SMARCA2: variants seen among roughly 807,000 people sequenced by gnomAD.
SMARCA2 encodes SWI/SNF-related matrix-associated actin-dependent regulator of chromatin subfamily A member 2.
A neutral mutation model predicts 199.8 loss-of-function variants in SMARCA2; 61 were observed. The ratio of observed to expected loss-of-function variants is 0.31; its 90% CI spans 0.25 to 0.38. SMARCA2 has a LOEUF of 0.38. Ranked by LOEUF, SMARCA2 falls within the 10% of genes least tolerant of loss-of-function variation. The probability of loss-of-function intolerance (pLI) is 1.00; values close to 1 mark genes in which losing one functional copy is unlikely to be tolerated. For synonymous variants in SMARCA2, 935 were observed against 732.0 expected (o/e 1.28, Z -4.48); for missense variants, 1,344 against 2,012.2 (o/e 0.67, Z 6.35).
chr9:2,096,244 G>A (rs1468831350), intron 19 of SMARCA2, among the ~76,000 whole-genome samples: 1 of 152,148 alleles, frequency 6.6e-6, no homozygotes, highest in African/African-American at 2.4e-5. Context: ...GAAAATCACA[G>A]GATATTTGCC....
At chr9:2,188,732 G>C (rs1043786686) in intron 32 of SMARCA2, among the ~76,000 whole-genome samples, 1 of 152,182 alleles carries the variant, frequency 6.6e-6, no homozygotes, top group East Asian at 1.9e-4. Flanking sequence ...GGTTCAGCAT[G>C]AGTCTCCCTG....
chr9:2,035,134 C>T (rs1446935939), intron 3 of SMARCA2, among the ~76,000 whole-genome samples: 2 of 151,842 alleles, frequency 1.3e-5, no homozygotes, highest in Non-Finnish European at 2.9e-5. Context: ...CTCTACCTCC[C>T]GGGTTCAAGC....
intron 29 of SMARCA2, among the ~76,000 whole-genome samples, chr9:2,175,925 G>T (rs1029661732): frequency 5.3e-5 from 8 of 152,026 alleles, no homozygotes; most frequent in Admixed American, 5.2e-4. Context: ...TGTTGCCCAA[G>T]CTGGAGTGCA....
chr9:2,112,864 C>G (rs760267417), intron 24 of SMARCA2, among the ~76,000 whole-genome samples: 42 of 152,176 alleles, frequency 2.8e-4, no homozygotes, highest in Non-Finnish European at 4.6e-4. Context: ...TATTGTTAGG[C>G]ACTTTGCATA....
intron 27 of SMARCA2, among the ~76,000 whole-genome samples, chr9:2,147,904 A>G (rs145785383): frequency 2.0e-5 from 3 of 150,448 alleles, no homozygotes; most frequent in South Asian, 2.1e-4. Flanking sequence ...ATCACAGCTC[A>G]TTGCAGCCTC....
rs1826196752 is a variant in SMARCA2, at chr9:2,170,592, C to T, written c.4253+120C>T. On this transcript the variant is annotated intron_variant, in intron 29 of 33. Transcript: ENST00000349721. The surrounding 1 kb of genome is among the most constrained non-coding windows in gnomAD (Gnocchi z 4.7). Reference sequence around the variant, plus strand: ...TTTCTTCGGTCACCTCCTGATCACCCCTACTTGGAGAGCGGGATAGAGGCA... The same window carrying T: ...TTTCTTCGGTCACCTCCTGATCACCTCTACTTGGAGAGCGGGATAGAGGCA... 6.6e-7 allele frequency: 1 copy of T among 1,519,056 alleles called. No homozygotes were observed. Among genetic ancestry groups the T allele is most frequent in the East Asian group, 2.3e-5 (1 of 43,794 alleles). The allele number at this position is 1,519,056 out of a possible 1,614,324, so 94.1% of individuals were successfully genotyped here.
At chr9:2,183,720 G>C (rs899574395) in intron 31 of SMARCA2, among the ~76,000 whole-genome samples, 1 of 152,132 alleles carries the variant, frequency 6.6e-6, no homozygotes, top group Admixed American at 6.5e-5. Context: ...ACCAAAACAG[G>C]AGGTCTTGAA....
Position 2,110,811 on chromosome 9 carries a change from C to T in SMARCA2, c.3456+394C>T, listed in dbSNP as rs192933398. ...TTGGGCATTTTTTCATTCAGTTTTA[C>T]GACAACCCTGTCAGACGGTTAATAT... On this transcript the variant is annotated intron_variant, in intron 24 of 33. Coordinates refer to ENST00000349721, the MANE Select transcript of SMARCA2 (RefSeq NM_003070.5). The surrounding 1 kb of genome is among the most constrained non-coding windows in gnomAD (Gnocchi z 4.8). Among the ~76,000 whole-genome samples, 6 of 152,280 alleles carry T rather than the reference C, an allele frequency of 3.9e-5. No homozygotes were observed. In the East Asian group the frequency reaches 7.7e-4, roughly 20 times the overall value.
At chr9:2,188,045 TAAAAG>T (rs1452709304) in intron 32 of SMARCA2, among the ~76,000 whole-genome samples, 1 of 152,224 alleles carries the variant, frequency 6.6e-6, no homozygotes, top group Admixed American at 6.5e-5. Context: ...TCAAATATAT[TAAAAG>T]TATAGACATG....
chr9:2,139,203 T>G (rs1824349041), intron 27 of SMARCA2, among the ~76,000 whole-genome samples: 1 of 152,142 alleles, frequency 6.6e-6, no homozygotes, highest in African/African-American at 2.4e-5. Context: ...ACCGTGGCAT[T>G]GCGGTAAAGA....
intron 15 of SMARCA2, among the ~76,000 whole-genome samples, chr9:2,082,198 G>A (rs1255145094): frequency 3.3e-5 from 5 of 151,934 alleles, no homozygotes; most frequent in Non-Finnish European, 7.4e-5. Flanking sequence ...ATTTAAGCAC[G>A]GGACCGAGTG....
chr9:2,104,684 G>A lies in SMARCA2; in HGVS notation c.3292+515G>A, dbSNP rs868409958. Among the ~76,000 whole-genome samples, 2 of 152,018 alleles carry A rather than the reference G, an allele frequency of 1.3e-5. No homozygotes were observed. Among genetic ancestry groups the A allele is most frequent in the Middle Eastern group, 3.2e-3 (1 of 316 alleles). ...AAGAGACATGACTTCATTGTTTCCTGGATTTTGCAAGCTATGTAAAATATT... is the reference window on the plus strand; with the variant it reads ...AAGAGACATGACTTCATTGTTTCCTAGATTTTGCAAGCTATGTAAAATATT... On this transcript the variant is annotated intron_variant, in intron 23 of 33. Coordinates refer to ENST00000349721, the MANE Select transcript of SMARCA2 (RefSeq NM_003070.5). The surrounding 1 kb of genome is among the most constrained non-coding windows in gnomAD (Gnocchi z 4.0).
At chr9:2,139,215 A>G (rs1407071336) in intron 27 of SMARCA2, among the ~76,000 whole-genome samples, 1 of 152,216 alleles carries the variant, frequency 6.6e-6, no homozygotes, top group African/African-American at 2.4e-5. Context: ...CGGTAAAGAA[A>G]GAGTTTAATT....
At chr9:2,077,168 C>T (rs1441771424) in intron 13 of SMARCA2, among the ~76,000 whole-genome samples, 1 of 152,084 alleles carries the variant, frequency 6.6e-6, no homozygotes, top group Non-Finnish European at 1.5e-5. Flanking sequence ...CTCCTTCCTA[C>T]CCCTTTAATG....
intron 32 of SMARCA2, among the ~76,000 whole-genome samples, chr9:2,189,297 T>C (rs965874104): frequency 6.6e-6 from 1 of 152,154 alleles, no homozygotes; most frequent in Non-Finnish European, 1.5e-5. Context: ...TGGTCCAGTT[T>C]ATTAGCCTGC....
chr9:2,047,108 C>A, intron 4 of SMARCA2, 121 bp from the exon 5 acceptor site: 1 of 702,442 alleles, frequency 1.4e-6, no homozygotes, highest in Non-Finnish European at 1.7e-6. Context: ...CTTCTCTTCC[C>A]TCAGGTGTTT....
chr9:2,159,122 G>C, intron 27 of SMARCA2: 1 of 1,054,858 alleles, frequency 9.5e-7, no homozygotes, highest in South Asian at 1.7e-5. Flanking sequence ...CACAGATTTA[G>C]AGATTTAAAA....
chr9:2,097,834 A>G (rs1439781389), intron 21 of SMARCA2, among the ~76,000 whole-genome samples: 4 of 152,226 alleles, frequency 2.6e-5, no homozygotes, highest in African/African-American at 9.6e-5. Flanking sequence ...GCTTCCTCAA[A>G]AGAATGCCGT....
intron 1 of SMARCA2, among the ~76,000 whole-genome samples, chr9:2,024,162 T>C (rs1380754978): frequency 6.6e-6 from 1 of 152,210 alleles, no homozygotes; most frequent in Non-Finnish European, 1.5e-5. Context: ...CCCCAAACTC[T>C]GCGACTAGAA....
Sources: allele counts gnomAD v4.1 joint callset (sites outside exome capture counted in the v4.1 genomes callset), GRCh38; gene constraint gnomAD v4.1.1; non-coding constraint Gnocchi (gnomAD v3.1); transcripts MANE v1.5; gene names NCBI Gene and HGNC (gene_info 2026-07-23, HGNC 2026-07-21).